Variants in CSMD1 observed in about 807,000 individuals in gnomAD.
The protein encoded by CSMD1 is CUB and Sushi multiple domains 1.
A neutral mutation model predicts 417.5 loss-of-function variants in CSMD1; 213 were observed. The observed-to-expected ratio is 0.51, with a 90% confidence interval of 0.46 to 0.57. CSMD1 has a LOEUF of 0.57. CSMD1 is among the 20% of genes least tolerant of loss of function. The pLI is 0.00. For missense variants in CSMD1, 6,923 were observed against 4,529.7 expected (o/e 1.53, Z -15.17); for synonymous variants, 2,862 against 1,736.8 (o/e 1.65, Z -16.11).
chr8:4,985,587 T>A (rs760870278), intron 1 of CSMD1, among the ~76,000 whole-genome samples: 2 of 152,192 alleles, frequency 1.3e-5, no homozygotes, highest in Non-Finnish European at 2.9e-5. Context: ...GTGTATATCT[T>A]CCCTAAATCA....
At chr8:4,141,722 T>C (rs1274226158) in intron 3 of CSMD1, among the ~76,000 whole-genome samples, 1 of 151,102 alleles carries the variant, frequency 6.6e-6, no homozygotes, top group Non-Finnish European at 1.5e-5. Context: ...TCTAATAATC[T>C]TGCAACTAAA....
intron 7 of CSMD1, among the ~76,000 whole-genome samples, chr8:3,620,513 C>T (rs1236158382): frequency 6.6e-6 from 1 of 152,016 alleles, no homozygotes; most frequent in South Asian, 2.1e-4. Flanking sequence ...TTTACAACAG[C>T]AATAGCATAA....
intron 50 of CSMD1, among the ~76,000 whole-genome samples, chr8:3,033,743 G>T (rs531018359): frequency 6.6e-6 from 1 of 152,156 alleles, no homozygotes; most frequent in African/African-American, 2.4e-5. Flanking sequence ...TTCTGCACAT[G>T]ATTCCCAGAA....
intron 26 of CSMD1, among the ~76,000 whole-genome samples, chr8:3,242,253 G>C (rs566222032): frequency 3.3e-5 from 5 of 151,636 alleles, no homozygotes; most frequent in South Asian, 2.1e-4. Context: ...GTGGAGGAAC[G>C]GAGGCTGAGG....
intron 2 of CSMD1, among the ~76,000 whole-genome samples, chr8:4,572,309 C>G (rs1798929277): frequency 6.6e-6 from 1 of 152,140 alleles, no homozygotes; most frequent in Non-Finnish European, 1.5e-5. Context: ...TAAGGCAGGC[C>G]TAGTGGTGAC....
At chr8:3,242,116 G>A (rs1799574807) in intron 26 of CSMD1, among the ~76,000 whole-genome samples, 1 of 151,166 alleles carries the variant, frequency 6.6e-6, no homozygotes, top group East Asian at 2.0e-4. Flanking sequence ...CATTAACCTT[G>A]ACTATGCCTT....
chr8:3,372,365 G>A (rs562684521), intron 18 of CSMD1, among the ~76,000 whole-genome samples: 2 of 152,212 alleles, frequency 1.3e-5, no homozygotes, highest in Admixed American at 6.5e-5. Flanking sequence ...GACATGATGG[G>A]GCACTGGATG....
In CSMD1 at chr8:3,723,577, G is replaced by C. The variant is rs2720806; in HGVS notation, c.932-15086C>G. Reference sequence around the variant, plus strand: ...TTGTTACCTAAACAATTATTAGATAGTCTTTTTGCCAATGATGAAATTCGG... The same window carrying C: ...TTGTTACCTAAACAATTATTAGATACTCTTTTTGCCAATGATGAAATTCGG... On this transcript the variant is annotated intron_variant, in intron 6 of 69. Transcript: ENST00000635120. Among the ~76,000 whole-genome samples, 656 of 152,244 alleles carry C rather than the reference G, an allele frequency of 4.3e-3. 13 individuals carry two copies. In the East Asian group the frequency reaches 0.069, roughly 16 times the overall value.
At chr8:4,719,228 C>T (rs1410630946) in intron 1 of CSMD1, among the ~76,000 whole-genome samples, 1 of 152,126 alleles carries the variant, frequency 6.6e-6, no homozygotes, top group Non-Finnish European at 1.5e-5. Flanking sequence ...CACACATTGT[C>T]ATGTTTTAGA....
intron 2 of CSMD1, among the ~76,000 whole-genome samples, chr8:4,496,760 G>A (rs1801999806): frequency 6.6e-6 from 1 of 152,176 alleles, no homozygotes; most frequent in African/African-American, 2.4e-5. Flanking sequence ...AAAGCTGGGA[G>A]TAATTTTGAA....
chr8:4,368,089 G>C (rs2128911188), intron 3 of CSMD1, among the ~76,000 whole-genome samples: 1 of 152,200 alleles, frequency 6.6e-6, no homozygotes, highest in African/African-American at 2.4e-5. Flanking sequence ...TCTCATTCCT[G>C]TTCTCAAGGG....
At chr8:3,470,697 C>A (rs182045386) in intron 11 of CSMD1, among the ~76,000 whole-genome samples, 1 of 152,212 alleles carries the variant, frequency 6.6e-6, no homozygotes, top group Admixed American at 6.5e-5. Context: ...CCTTCACTGT[C>A]CCTAACCCCT....
At chr8:4,354,355 C>A (rs563100470) in intron 3 of CSMD1, among the ~76,000 whole-genome samples, 1 of 152,156 alleles carries the variant, frequency 6.6e-6, no homozygotes, top group Admixed American at 6.5e-5. Context: ...GGAAACCATT[C>A]TAATATTCAC....
chr8:4,581,663 G>C (rs1250834012), intron 2 of CSMD1, among the ~76,000 whole-genome samples: 11 of 152,198 alleles, frequency 7.2e-5, no homozygotes, highest in Admixed American at 7.2e-4. Context: ...GAGTTCATTT[G>C]AATCTGTCTA....
chr8:4,406,392 C>G (rs527695352), intron 3 of CSMD1, among the ~76,000 whole-genome samples: 4 of 152,230 alleles, frequency 2.6e-5, no homozygotes, highest in Admixed American at 2.6e-4. Context: ...TGAAACTCAA[C>G]TTTTACTTCC....
chr8:3,419,844 G>C (rs964787763), intron 12 of CSMD1, among the ~76,000 whole-genome samples: 1 of 152,154 alleles, frequency 6.6e-6, no homozygotes, highest in African/African-American at 2.4e-5. Context: ...CCACAGTCTG[G>C]AAGCAGGATA....
At chr8:3,082,465 G>T (rs1814174030) in intron 49 of CSMD1, among the ~76,000 whole-genome samples, 1 of 152,066 alleles carries the variant, frequency 6.6e-6, no homozygotes, top group South Asian at 2.1e-4. Context: ...ACTCCCGCCG[G>T]ATGACTATCC....
chr8:4,608,533 G>T (rs187266060), intron 2 of CSMD1, among the ~76,000 whole-genome samples: 145 of 152,274 alleles, frequency 9.5e-4, no homozygotes, highest in African/African-American at 2.8e-3. Flanking sequence ...CATAAGAGAC[G>T]CCAGTACTGT....
At chr8:4,664,406 G>A (rs988432254) in intron 1 of CSMD1, among the ~76,000 whole-genome samples, 6 of 151,910 alleles carry the variant, frequency 3.9e-5, no homozygotes, top group Non-Finnish European at 8.8e-5. Flanking sequence ...CAGTAGAAAC[G>A]AAAATTGAAT....
Sources: gnomAD v4.1 joint callset for allele counts (sites outside exome capture counted in the v4.1 genomes callset) on GRCh38, gnomAD v4.1.1 for gene constraint, MANE v1.5 for transcripts, NCBI Gene and HGNC (gene_info 2026-07-23, HGNC 2026-07-21) for gene names.